The following LOC128092252 variants were observed in gnomAD, a reference collection of about 807,000 sequenced individuals.
the LOC128092252 span, among the ~76,000 whole-genome samples, chr15:50,669,145 G>A: frequency 6.6e-6 from 1 of 152,184 alleles, no homozygotes; most frequent in East Asian, 1.9e-4. Context: ...GCTGAGGTCA[G>A]GCGCAGTGGC....
At chr15:50,659,280 A>C in the LOC128092252 span, among the ~76,000 whole-genome samples, 5 of 152,234 alleles carry the variant, frequency 3.3e-5, no homozygotes, top group East Asian at 9.7e-4. Context: ...TAAAGGGGGA[A>C]GGGGGATAAT....
chr15:50,651,032 C>T, the LOC128092252 span, among the ~76,000 whole-genome samples: 2 of 151,866 alleles, frequency 1.3e-5, no homozygotes, highest in Non-Finnish European at 2.9e-5. Context: ...ACAAAACATA[C>T]AAACGTTAGT....
the LOC128092252 span, chr15:50,686,648 G>A: frequency 2.0e-5 from 29 of 1,434,304 alleles, 1 homozygote; most frequent in East Asian, 6.4e-4. Flanking sequence ...CGCCGGACAA[G>A]GAACGCCCAG....
the LOC128092252 span, among the ~76,000 whole-genome samples, chr15:50,679,177 A>G: frequency 1.7e-3 from 227 of 135,278 alleles, 1 homozygote; most frequent in Non-Finnish European, 2.5e-3. Context: ...CAGTCAAAAA[A>G]ATTTTTTAAT....
the LOC128092252 span, among the ~76,000 whole-genome samples, chr15:50,665,098 A>G: frequency 5.9e-5 from 9 of 152,156 alleles, no homozygotes; most frequent in African/African-American, 1.9e-4. Context: ...AGCACACATG[A>G]GGCATTTATA....
At chr15:50,682,395 T>C in the LOC128092252 span, among the ~76,000 whole-genome samples, 4 of 151,680 alleles carry the variant, frequency 2.6e-5, no homozygotes, top group African/African-American at 4.8e-5. Flanking sequence ...CTGGCCAACA[T>C]GGTGAAACCC....
At chr15:50,652,417 C>T in the LOC128092252 span, among the ~76,000 whole-genome samples, 3,386 of 140,300 alleles carry the variant, frequency 0.024, 122 homozygotes, top group African/African-American at 0.084. Context: ...AAAAGCTTGT[C>T]ATTGAAAAGA....
chr15:50,674,557 A>G, the LOC128092252 span, among the ~76,000 whole-genome samples: 1 of 152,214 alleles, frequency 6.6e-6, no homozygotes, highest in Non-Finnish European at 1.5e-5. Context: ...TCATACTAAA[A>G]ATACAAATGA....
the LOC128092252 span, among the ~76,000 whole-genome samples, chr15:50,673,514 TATG>T: frequency 6.6e-6 from 1 of 152,168 alleles, no homozygotes; most frequent in African/African-American, 2.4e-5. Flanking sequence ...AGTGGGAACA[TATG>T]ATGTTTGGTT....
At chr15:50,658,745 C>A in the LOC128092252 span, among the ~76,000 whole-genome samples, 1 of 152,178 alleles carries the variant, frequency 6.6e-6, no homozygotes, top group Non-Finnish European at 1.5e-5. Flanking sequence ...GGCTAAAACA[C>A]ATCTGTAGTA....
chr15:50,653,810 G>T, the LOC128092252 span, among the ~76,000 whole-genome samples: 3 of 152,168 alleles, frequency 2.0e-5, no homozygotes, highest in Admixed American at 1.3e-4. Flanking sequence ...ATGGTCTAAG[G>T]TGTATCTGTG....
chr15:50,650,268 C>T, the LOC128092252 span, among the ~76,000 whole-genome samples: 5 of 149,334 alleles, frequency 3.3e-5, no homozygotes, highest in African/African-American at 7.4e-5. Flanking sequence ...CAGCAATAGC[C>T]GAAACAATTT....
the LOC128092252 span, among the ~76,000 whole-genome samples, chr15:50,669,240 G>C: frequency 2.0e-5 from 3 of 151,436 alleles, no homozygotes. Flanking sequence ...TCTGGAGTTC[G>C]AGACCAGCCT....
chr15:50,677,738 C>CAAAAAAAA, the LOC128092252 span, among the ~76,000 whole-genome samples: 9 of 38,132 alleles, frequency 2.4e-4, no homozygotes, highest in African/African-American at 7.0e-4. Flanking sequence ...GACCCCGTAT[C>CAAAAAAAA]AAAAAAAAAA....
At chr15:50,662,809 T>C in the LOC128092252 span, among the ~76,000 whole-genome samples, 14 of 152,158 alleles carry the variant, frequency 9.2e-5, no homozygotes, top group African/African-American at 3.4e-4. Flanking sequence ...TGTTTCCTCC[T>C]CCCAATCCCT....
chr15:50,682,491 A>C, the LOC128092252 span, among the ~76,000 whole-genome samples: 6 of 151,714 alleles, frequency 4.0e-5, no homozygotes, highest in African/African-American at 1.4e-4. Context: ...CAGGAGAATC[A>C]CTTGAATCCA....
the LOC128092252 span, among the ~76,000 whole-genome samples, chr15:50,674,717 C>A: frequency 1.3e-5 from 2 of 152,170 alleles, no homozygotes; most frequent in Admixed American, 6.6e-5. Flanking sequence ...TCTTGTAACA[C>A]AGGTCTAGTC....
At chr15:50,679,534 ATATATTTT>A in the LOC128092252 span, among the ~76,000 whole-genome samples, 155 of 57,650 alleles carry the variant, frequency 2.7e-3, 2 homozygotes, top group Middle Eastern at 0.033. Flanking sequence ...ATATATATAT[ATATATTTT>A]TTTTTTTTTT....
At chr15:50,652,525 CAAAAAAAAA>C in the LOC128092252 span, among the ~76,000 whole-genome samples, 1 of 128,086 alleles carries the variant, frequency 7.8e-6, no homozygotes, top group African/African-American at 3.0e-5. Context: ...GACTCTGTCT[CAAAAAAAAA>C]AAAAAAAATC....
Sources: allele counts gnomAD v4.1 joint callset (sites outside exome capture counted in the v4.1 genomes callset), GRCh38; gene constraint gnomAD v4.1.1; transcripts MANE v1.5.